The following TENT4B variants were observed in gnomAD, a reference collection of about 807,000 sequenced individuals.
The protein encoded by TENT4B is PAP associated domain containing 5.
A neutral mutation model predicts 75.0 loss-of-function variants in TENT4B; 10 were observed. The ratio of observed to expected loss-of-function variants is 0.13; its 90% confidence interval spans 0.08 to 0.23. TENT4B has a LOEUF of 0.23. TENT4B is among the 10% of genes least tolerant of loss of function. The pLI, the probability that TENT4B is intolerant of heterozygous loss-of-function variation, is 1.00. For missense variants in TENT4B, 579 were observed against 893.8 expected, an observed-to-expected ratio of 0.65 and a Z score of 4.49; for synonymous variants, 350 against 357.7, an observed-to-expected ratio of 0.98 and a Z score of 0.24.
chr16:50,154,721 A>G (rs1035405937), intron 1 of TENT4B, among the ~76,000 whole-genome samples: 1 of 152,114 alleles, frequency 6.6e-6, no homozygotes, highest in African/African-American at 2.4e-5. Context: ...TTGATGGTGC[A>G]GGACCCGGAG....
chr16:50,229,516 C>CAA lies in TENT4B; in HGVS notation c.*197_*198dup. ...CAACTGCAAAAAAAACAAAACAAAA[C>CAA]AAAAAAAAAAGCAAGCAAAAAAGAG... On this transcript the variant is annotated 3_prime_UTR_variant, in exon 12 of 12. Transcript: ENST00000561678. 2.7e-6 allele frequency: 3 copies of CAA among 1,113,802 alleles called. No individual in the cohort carries two copies. Among genetic ancestry groups the CAA allele is most frequent in the African/African-American group, 1.8e-5 (1 of 55,458 alleles). 69.0% of individuals were successfully genotyped at this position (1,113,802 alleles called of 1,614,324 possible). A position where few individuals can be genotyped will look rare whatever the true frequency, so the allele number is the denominator to read the frequency against.
Position 50,201,265 on chromosome 16 carries a change from G to A in TENT4B, c.639-10058G>A, listed in dbSNP as rs576078263. On this transcript the variant is annotated intron_variant, in intron 1 of 11. Transcript: ENST00000561678. ...AAAATACCAGCCCTGGGCTGGATGCGGTGGCTCACGCCTGTAATCCTAGCA... is the reference window on the plus strand; with the variant it reads ...AAAATACCAGCCCTGGGCTGGATGCAGTGGCTCACGCCTGTAATCCTAGCA... 7.2e-4 allele frequency among the ~76,000 whole-genome samples: 109 copies of A among 152,224 alleles called. 2 individuals are homozygous for A. The South Asian group carries it at 0.022, about 31-fold the overall frequency.
intron 1 of TENT4B, among the ~76,000 whole-genome samples, chr16:50,157,356 T>C (rs1325193822): frequency 6.6e-6 from 1 of 152,236 alleles, no homozygotes; most frequent in Non-Finnish European, 1.5e-5. Context: ...CTCTCAAAGG[T>C]ACTCACTTCA....
intron 3 of TENT4B, among the ~76,000 whole-genome samples, 177 bp from the exon 4 acceptor site, chr16:50,215,898 A>C (rs2031528677): frequency 6.6e-6 from 1 of 152,302 alleles, no homozygotes; most frequent in South Asian, 2.1e-4. Flanking sequence ...AGTTTGTTAA[A>C]ATCAACAACT....
chr16:50,201,471 A>G (rs2030643228), intron 1 of TENT4B, among the ~76,000 whole-genome samples: 1 of 151,834 alleles, frequency 6.6e-6, no homozygotes. Flanking sequence ...TGGGAGGCAG[A>G]GGTTGCAGTG....
chr16:50,217,242 C>G (rs2031606905), intron 4 of TENT4B, among the ~76,000 whole-genome samples: 1 of 151,736 alleles, frequency 6.6e-6, no homozygotes, highest in Non-Finnish European at 1.5e-5. Flanking sequence ...GTATGTATAT[C>G]AAGATAAGTA....
At chr16:50,187,548 A>G (rs919955469) in intron 1 of TENT4B, among the ~76,000 whole-genome samples, 18 of 152,106 alleles carry the variant, frequency 1.2e-4, no homozygotes, top group African/African-American at 4.1e-4. Flanking sequence ...GTGCCACTGC[A>G]CTCCAGCCTG....
intron 1 of TENT4B, among the ~76,000 whole-genome samples, chr16:50,154,681 T>G (rs145002158): frequency 9.1e-4 from 139 of 152,160 alleles, no homozygotes; most frequent in African/African-American, 3.2e-3. Context: ...TATCATTCAT[T>G]CCCTGAGAAC....
At chr16:50,153,289 C>G (rs1184691868), upstream of TENT4B, among the ~76,000 whole-genome samples, 2 of 96,186 alleles carry the variant, frequency 2.1e-5, no homozygotes, top group Non-Finnish European at 4.4e-5. Context: ...CCGCCGCTGC[C>G]GCCGCCGCCG....
chr16:50,200,740 T>C (rs1344374019), intron 1 of TENT4B, among the ~76,000 whole-genome samples: 1 of 152,142 alleles, frequency 6.6e-6, no homozygotes. Flanking sequence ...TTGTTGAATA[T>C]CATGAGTTCT....
At chr16:50,193,858 T>C (rs1454968023) in intron 1 of TENT4B, among the ~76,000 whole-genome samples, 1 of 152,204 alleles carries the variant, frequency 6.6e-6, no homozygotes, top group East Asian at 1.9e-4. Context: ...TCATTGCCCT[T>C]GTGAACTCAT....
Position 50,171,916 on chromosome 16 carries a change from C to T in TENT4B, c.638+17657C>T, listed in dbSNP as rs117459709. On this transcript the variant is annotated intron_variant, in intron 1 of 11. Coordinates refer to ENST00000561678, the MANE Select transcript of TENT4B (RefSeq NM_001365324.3). ...GGAGGTGGAGGTTGCAGTGAGCTAA[C>T]GCAGCAGAGGTTGCAGTGAGCTAAC... is the stretch of plus-strand genomic sequence containing the variant. Among the ~76,000 whole-genome samples the T allele has an allele frequency of 1.9e-4, 29 of 151,730 alleles. No homozygotes were observed. In the East Asian group the frequency reaches 4.9e-3, roughly 25 times the overall value.
At chr16:50,163,325 T>C (rs2038035605) in intron 1 of TENT4B, among the ~76,000 whole-genome samples, 1 of 152,168 alleles carries the variant, frequency 6.6e-6, no homozygotes, top group Non-Finnish European at 1.5e-5. Flanking sequence ...TACTTTCTTG[T>C]TTGTTTGGGG....
At chr16:50,173,872 T>G (rs921265514) in intron 1 of TENT4B, among the ~76,000 whole-genome samples, 11 of 152,042 alleles carry the variant, frequency 7.2e-5, no homozygotes, top group Non-Finnish European at 1.5e-4. Context: ...TTTTGTATTT[T>G]TAGTAGAGAC....
chr16:50,220,374 C>T lies in TENT4B; in HGVS notation c.1039-1932C>T, dbSNP rs2031772156. On this transcript the variant is annotated intron_variant, in intron 5 of 11. Transcript: ENST00000561678. The stretch of plus-strand genomic sequence containing the variant: ...CTTTTTTTTTAAGTAGAGATAAGGT[C>T]TTGCTATGTTGCCCAAGCTGTTCTT... Among the ~76,000 whole-genome samples the T allele has an allele frequency of 2.0e-5, 3 of 150,526 alleles. No individual in the cohort carries two copies. In the Admixed American group the frequency reaches 2.0e-4, roughly 10 times the overall value.
At chr16:50,174,166 C>T (rs184505879) in intron 1 of TENT4B, among the ~76,000 whole-genome samples, 1 of 151,710 alleles carries the variant, frequency 6.6e-6, no homozygotes, top group East Asian at 2.0e-4. Flanking sequence ...GGCATGATCT[C>T]AGCTCACTGC....
rs376670055 is a variant in TENT4B at position 50,227,493 on chromosome 16, G to T, written c.1801-346G>T. Among the ~76,000 whole-genome samples, 4 of 151,862 alleles carry T rather than the reference G, an allele frequency of 2.6e-5. No individual in the cohort carries two copies. The South Asian group carries it at 8.3e-4, about 31-fold the overall frequency. On this transcript the variant is annotated intron_variant, in intron 10 of 11. Transcript: ENST00000561678. ...TTGAACCCCTTAAACCCATCATCTT[G>T]TGTCTGGCTGAAGCCAGGGACTAGG...
chr16:50,231,598 G>T lies in TENT4B; in HGVS notation c.*2270G>T, dbSNP rs2032297173. The T allele has an allele frequency of 1.0e-6, 1 of 985,750 alleles. No individual in the cohort carries two copies. The highest frequency in any genetic ancestry group is 1.7e-5 in the African/African-American group (1 of 57,336). 61.1% of individuals were successfully genotyped at this position (985,750 alleles called of 1,614,324 possible). A position where few individuals can be genotyped will look rare whatever the true frequency, so the allele number is the denominator to read the frequency against. ...CGGGAAGATAATTCTGATTCCATTG[G>T]GAATCTTAGGTTTTCGTAAATTTAT... On this transcript the variant is annotated 3_prime_UTR_variant, in exon 12 of 12. Coordinates refer to ENST00000561678, the MANE Select transcript of TENT4B (RefSeq NM_001365324.3).
Position 50,230,065 on chromosome 16 carries a change from T to G in TENT4B, c.*737T>G. On this transcript the variant is annotated 3_prime_UTR_variant, in exon 12 of 12. Transcript: ENST00000561678. ...GAACCCTTGTGTCCTGCTGCAAAAATTTTTCCTCTCTAAAGAAAAGGTTTA... is the reference window on the plus strand; with the variant it reads ...GAACCCTTGTGTCCTGCTGCAAAAAGTTTTCCTCTCTAAAGAAAAGGTTTA... The G allele has an allele frequency of 1.0e-6, 1 of 985,100 alleles. No homozygotes were observed. Among genetic ancestry groups the G allele is most frequent in the Non-Finnish European group, 1.2e-6 (1 of 829,784 alleles). The allele number at this position is 985,100 out of a possible 1,614,324, so 61.0% of individuals were successfully genotyped here. A position where few individuals can be genotyped will look rare whatever the true frequency, so the allele number is the denominator to read the frequency against.
Sources: allele counts gnomAD v4.1 joint callset (sites outside exome capture counted in the v4.1 genomes callset), GRCh38; gene constraint gnomAD v4.1.1; transcripts MANE v1.5; gene names NCBI Gene and HGNC (gene_info 2026-07-23, HGNC 2026-07-21).